The following ASTN2 variants were observed in gnomAD, a reference collection of about 807,000 sequenced individuals.
ASTN2 encodes astrotactin-2.
In ASTN2, 54 loss-of-function variants were observed where a neutral mutation model predicts 139.8. The observed-to-expected ratio is 0.39, with a 90% CI of 0.31 to 0.48. The LOEUF (loss-of-function observed/expected upper bound fraction) is 0.48, where lower values mean the gene tolerates loss of function less well. Among genes scored for constraint, ASTN2 ranks in the 20% least tolerant of loss-of-function variants. ASTN2 has a pLI of 0.95. For synonymous variants in ASTN2, 756 were observed against 719.5 expected, an observed-to-expected ratio of 1.05 and a Z score of -0.81; for missense variants, 1,565 against 1,725.1, an observed-to-expected ratio of 0.91 and a Z score of 1.64.
chr9:116,459,561 C>T (rs2118959533), intron 20 of ASTN2, among the ~76,000 whole-genome samples: 1 of 151,948 alleles, frequency 6.6e-6, no homozygotes, highest in South Asian at 2.1e-4. Flanking sequence ...TACAACTGAA[C>T]AATTTACGAA....
intron 10 of ASTN2, among the ~76,000 whole-genome samples, chr9:116,952,523 T>C (rs557533867): frequency 1.2e-4 from 19 of 152,300 alleles, no homozygotes; most frequent in African/African-American, 4.6e-4. Flanking sequence ...TCTCTCCCTT[T>C]AAGAAGAGGT....
chr9:116,620,959 G>C (rs962957476), intron 17 of ASTN2, among the ~76,000 whole-genome samples: 4 of 152,056 alleles, frequency 2.6e-5, no homozygotes, highest in Admixed American at 6.6e-5. Context: ...AACCTTCAAA[G>C]GTTTCCCATA....
At chr9:116,704,777 A>G (rs1018057785) in intron 16 of ASTN2, among the ~76,000 whole-genome samples, 3 of 151,972 alleles carry the variant, frequency 2.0e-5, no homozygotes, top group Non-Finnish European at 4.4e-5. Flanking sequence ...CCATTAGGAA[A>G]GCTGTAAATA....
intron 6 of ASTN2, among the ~76,000 whole-genome samples, chr9:117,039,132 A>G (rs1246091566): frequency 6.6e-6 from 1 of 152,222 alleles, no homozygotes; most frequent in Non-Finnish European, 1.5e-5. Context: ...ATCTTTCTGT[A>G]TTCACATTTG....
At chr9:117,296,117 A>C (rs1031311194) in intron 1 of ASTN2, among the ~76,000 whole-genome samples, 17 of 151,828 alleles carry the variant, frequency 1.1e-4, no homozygotes, top group African/African-American at 3.9e-4. Context: ...GCCTCTACTA[A>C]AAATACAAAA....
At chr9:116,470,905 T>C (rs1476105253) in intron 20 of ASTN2, among the ~76,000 whole-genome samples, 1 of 152,200 alleles carries the variant, frequency 6.6e-6, no homozygotes, top group Non-Finnish European at 1.5e-5. Context: ...TTACCTACAT[T>C]GGGACAAGGG....
In ASTN2 at chr9:117,228,449, T is replaced by C. The variant is rs116526004; in HGVS notation, c.631-13707A>G. Reference sequence around the variant, plus strand: ...TTGATGCTGTAGCTGCCAATTGTCTTGACGGCATGTTGTGATGGTCTCAGG... The same window carrying C: ...TTGATGCTGTAGCTGCCAATTGTCTCGACGGCATGTTGTGATGGTCTCAGG... On this transcript the variant is annotated intron_variant, in intron 2 of 22. Transcript: ENST00000313400. Among the ~76,000 whole-genome samples, 570 of 152,264 alleles carry C rather than the reference T, an allele frequency of 3.7e-3. 4 individuals are homozygous for C. The highest frequency in any genetic ancestry group is 0.013 in the African/African-American group (548 of 41,552).
At chr9:117,019,836 G>C (rs562277781) in intron 6 of ASTN2, among the ~76,000 whole-genome samples, 100 of 152,006 alleles carry the variant, frequency 6.6e-4, no homozygotes, top group Non-Finnish European at 1.0e-3. Flanking sequence ...TGAACCTTGC[G>C]GATTCTCTTC....
At position 116,728,997 on chromosome 9, in the gene ASTN2, G is replaced by A; in HGVS notation, c.2621C>T (p.Ala874Val). 1.9e-6 allele frequency: 3 copies of A among 1,582,128 alleles called. No homozygotes were observed. Among genetic ancestry groups the A allele is most frequent in the Non-Finnish European group, 2.6e-6 (3 of 1,162,894 alleles). The change falls in exon 15 of 23, where the codon GCA (alanine) becomes GTA (valine). Residue 874 changes from alanine (A) to valine (V), a missense_variant. Around this residue, in one of 4 missense-constraint regions of ASTN2, gnomAD observed 503 missense variants for 591.7 expected, o/e 0.85. Transcript: ENST00000313400. ...YRVKLSTITLAAGFTNVLKIL... is the reference protein window; with the variant it reads ...YRVKLSTITLVAGFTNVLKIL... ...GCCCAGGCAGTGGTCCTCACCTGCT[G>A]CGAGGGTGATGGTGCTGAGCTTCAC...
Position 116,686,724 on chromosome 9 carries a change from G to C in ASTN2, c.2807-34931C>G, listed in dbSNP as rs1860235108. On this transcript the variant is annotated intron_variant, in intron 16 of 22. Coordinates refer to ENST00000313400, the MANE Select transcript of ASTN2 (RefSeq NM_001365068.1). The stretch of plus-strand genomic sequence containing the variant: ...TCAGTCTGCAGGGACAGGGGCTGCA[G>C]AGTGTACTCCCCAAGTCTGCCTCTG... 5 of 1,550,428 alleles carry C rather than the reference G, an allele frequency of 3.2e-6. No individual in the cohort carries two copies. In the South Asian group the frequency reaches 5.9e-5, roughly 18 times the overall value.
chr9:117,284,189 C>T (rs894747615), intron 2 of ASTN2, among the ~76,000 whole-genome samples: 4 of 152,106 alleles, frequency 2.6e-5, no homozygotes, highest in African/African-American at 7.2e-5. Context: ...CTGCAACCTC[C>T]GTCTCCCAGA....
intron 1 of ASTN2, among the ~76,000 whole-genome samples, chr9:117,295,303 C>T (rs1365873420): frequency 6.6e-6 from 1 of 151,992 alleles, no homozygotes; most frequent in Non-Finnish European, 1.5e-5. Context: ...GCCTGGGCAA[C>T]AGAATGAGAC....
At chr9:116,705,729 C>CAAAT (rs1827972750) in intron 16 of ASTN2, among the ~76,000 whole-genome samples, 1 of 151,774 alleles carries the variant, frequency 6.6e-6, no homozygotes, top group African/African-American at 2.4e-5. Context: ...GGTATGTAAA[C>CAAAT]AAATAATAAA....
intron 10 of ASTN2, among the ~76,000 whole-genome samples, chr9:116,937,571 C>A (rs576055015): frequency 2.0e-5 from 3 of 152,204 alleles, no homozygotes; most frequent in Non-Finnish European, 4.4e-5. Context: ...AATGAGTAGG[C>A]CTTCCATAAA....
chr9:116,942,018 T>G (rs1056589163), intron 10 of ASTN2, among the ~76,000 whole-genome samples: 3 of 146,452 alleles, frequency 2.0e-5, no homozygotes, highest in Admixed American at 6.9e-5. Context: ...CCCTTCAAGC[T>G]CTAAAAGTCT....
intron 4 of ASTN2, among the ~76,000 whole-genome samples, chr9:117,113,652 G>A (rs547857004): frequency 4.8e-5 from 7 of 145,322 alleles, no homozygotes; most frequent in East Asian, 2.0e-4. Context: ...GCAAAACTTC[G>A]TCTCAAAAAA....
At position 117,011,057 on chromosome 9, in the gene ASTN2, G is replaced by A. The variant is rs548912406; in HGVS notation, c.1424-2798C>T. Among the ~76,000 whole-genome samples, 66 of 152,312 alleles carry A rather than the reference G, an allele frequency of 4.3e-4. No individual in the cohort carries two copies. The South Asian group carries it at 6.8e-3, about 16-fold the overall frequency. Reference sequence around the variant, plus strand: ...GGTGCTGACTGGAAACCTGAGTGCAGCATCATGATGTCCACTACAAGCTCT... The same window carrying A: ...GGTGCTGACTGGAAACCTGAGTGCAACATCATGATGTCCACTACAAGCTCT... On this transcript the variant is annotated intron_variant, in intron 6 of 22. Coordinates refer to ENST00000313400, the MANE Select transcript of ASTN2 (RefSeq NM_001365068.1).
intron 1 of ASTN2, among the ~76,000 whole-genome samples, chr9:117,402,408 G>A (rs1012696405): frequency 6.6e-6 from 1 of 152,176 alleles, no homozygotes; most frequent in African/African-American, 2.4e-5. Context: ...TTAGCTGACT[G>A]AAAGGATGAG....
chr9:117,028,999 A>T (rs1838175581), intron 6 of ASTN2, among the ~76,000 whole-genome samples: 1 of 152,172 alleles, frequency 6.6e-6, no homozygotes, highest in African/African-American at 2.4e-5. Flanking sequence ...GTGAATTCAT[A>T]GAGGAGCTGG....
Sources: allele counts gnomAD v4.1 joint callset (sites outside exome capture counted in the v4.1 genomes callset), GRCh38; gene constraint gnomAD v4.1.1; regional missense constraint gnomAD v4.1.1; transcripts MANE v1.5; gene names NCBI Gene and HGNC (gene_info 2026-07-23, HGNC 2026-07-21).